The following GULP1 variants were observed in gnomAD, a reference collection of about 807,000 sequenced individuals.
GULP1 encodes GULP PTB domain containing engulfment adaptor 1, also known as PTB domain-containing engulfment adapter protein 1.
GULP1 carries 19 observed loss-of-function variants against 40.9 expected under a neutral mutation model. The observed-to-expected ratio is 0.46, with a 90% confidence interval of 0.32 to 0.68. The LOEUF is 0.68. GULP1 is among the 30% of genes least tolerant of loss of function. The probability of loss-of-function intolerance (pLI) is 0.03; values close to 1 mark genes in which losing one functional copy is unlikely to be tolerated. For missense variants in GULP1, 312 were observed against 362.2 expected (o/e 0.86, Z 1.12); for synonymous variants, 119 against 117.6 (o/e 1.01, Z -0.08).
At chr2:188,571,501 A>G (rs1451576584) in intron 9 of GULP1, among the ~76,000 whole-genome samples, 1 of 152,160 alleles carries the variant, frequency 6.6e-6, no homozygotes, top group Non-Finnish European at 1.5e-5. Flanking sequence ...GGCCTTGATG[A>G]GAGAGGTTGG....
intron 4 of GULP1, among the ~76,000 whole-genome samples, chr2:188,497,496 T>C (rs1453223659): frequency 1.3e-5 from 2 of 152,004 alleles, no homozygotes; most frequent in African/African-American, 4.8e-5. Flanking sequence ...CACCATGAAA[T>C]ACCTTATAAT....
chr2:188,512,853 GT>G (rs11288193), intron 4 of GULP1, among the ~76,000 whole-genome samples: 151,744 of 152,234 alleles, frequency 1, 75,632 homozygotes, highest in East Asian at 1. Context: ...AGAAGTCTTT[GT>G]TTTCATTTTA....
intron 1 of GULP1, among the ~76,000 whole-genome samples, chr2:188,322,204 C>A (rs546409541): frequency 6.6e-6 from 1 of 152,126 alleles, no homozygotes; most frequent in South Asian, 2.1e-4. Context: ...AAAAATTCTT[C>A]TGCTTCATTA....
rs1173541646 is a variant in GULP1, at chr2:188,567,709, A to G, written c.400-1530A>G. Among the ~76,000 whole-genome samples the G allele has an allele frequency of 3.5e-4, 53 of 152,188 alleles. 1 individual carries two copies. The highest frequency in any genetic ancestry group is 1.5e-5 in the Non-Finnish European group (1 of 68,042). ...TGCAGCAAACCACCATGGCACACGT[A>G]TACTGTATAACTAACCTGCACATTC... On this transcript the variant is annotated intron_variant, in intron 7 of 11. Transcript: ENST00000409830.
intron 2 of GULP1, among the ~76,000 whole-genome samples, chr2:188,468,318 A>G (rs1044512064): frequency 2.6e-5 from 4 of 152,188 alleles, no homozygotes; most frequent in African/African-American, 9.6e-5. Flanking sequence ...AGATGACTGG[A>G]TAACCTTAGA....
At chr2:188,546,121 C>T (rs939863909) in intron 7 of GULP1, among the ~76,000 whole-genome samples, 8 of 151,812 alleles carry the variant, frequency 5.3e-5, no homozygotes, top group Non-Finnish European at 1.0e-4. Context: ...TAGACAAATA[C>T]GCAATTATAG....
intron 7 of GULP1, among the ~76,000 whole-genome samples, chr2:188,556,401 A>G (rs1205366347): frequency 6.6e-6 from 1 of 152,114 alleles, no homozygotes; most frequent in East Asian, 1.9e-4. Flanking sequence ...CTTCTAAAAC[A>G]TATCTATCTC....
At chr2:188,371,645 C>CAGA (rs2047613649) in intron 1 of GULP1, among the ~76,000 whole-genome samples, 1 of 152,042 alleles carries the variant, frequency 6.6e-6, no homozygotes, top group South Asian at 2.1e-4. Flanking sequence ...TCATCATGAT[C>CAGA]AGAAGCTTAC....
At chr2:188,359,948 C>T (rs1343124183) in intron 1 of GULP1, among the ~76,000 whole-genome samples, 1 of 152,096 alleles carries the variant, frequency 6.6e-6, no homozygotes, top group East Asian at 1.9e-4. Flanking sequence ...AGGAAAGAGA[C>T]TGGGGACTAG....
intron 1 of GULP1, among the ~76,000 whole-genome samples, chr2:188,337,960 C>A (rs2042483880): frequency 6.6e-6 from 1 of 152,086 alleles, no homozygotes; most frequent in African/African-American, 2.4e-5. Context: ...ACTCTAAATT[C>A]TTGGGCTAAT....
chr2:188,333,009 A>G (rs73036468), intron 1 of GULP1, among the ~76,000 whole-genome samples: 244 of 152,158 alleles, frequency 1.6e-3, no homozygotes, highest in African/African-American at 5.4e-3. Context: ...TTTTGGGAGG[A>G]CATGGCTGGC....
chr2:188,339,463 G>T (rs955371690), intron 1 of GULP1, among the ~76,000 whole-genome samples: 6 of 152,064 alleles, frequency 3.9e-5, no homozygotes, highest in African/African-American at 1.4e-4. Flanking sequence ...CATCTTTTTG[G>T]CTGTCTTGGT....
intron 2 of GULP1, among the ~76,000 whole-genome samples, chr2:188,476,763 A>G (rs993947524): frequency 8.5e-5 from 13 of 152,236 alleles, no homozygotes; most frequent in Non-Finnish European, 1.5e-5. Context: ...TATCAGTAAG[A>G]TTAACTATTT....
intron 2 of GULP1, among the ~76,000 whole-genome samples, chr2:188,457,780 T>C (rs560649333): frequency 3.3e-5 from 5 of 152,230 alleles, no homozygotes; most frequent in Admixed American, 6.5e-5. Flanking sequence ...TTAATGACTA[T>C]GCATTCTTCT....
intron 2 of GULP1, among the ~76,000 whole-genome samples, chr2:188,394,589 G>T (rs935123567): frequency 6.6e-6 from 1 of 152,032 alleles, no homozygotes; most frequent in Non-Finnish European, 1.5e-5. Context: ...ATAGTTGGGG[G>T]TATTATAGAA....
chr2:188,358,946 C>G (rs2045730847), intron 1 of GULP1, among the ~76,000 whole-genome samples: 1 of 151,958 alleles, frequency 6.6e-6, no homozygotes, highest in African/African-American at 2.4e-5. Context: ...TTGAAATGGA[C>G]TCAACTATAT....
Position 188,529,202 on chromosome 2 carries a change from C to CTT in GULP1, c.261+15_261+16dup. The CTT allele has an allele frequency of 6.5e-6, 8 of 1,223,690 alleles. No homozygotes were observed. Among genetic ancestry groups the CTT allele is most frequent in the South Asian group, 2.7e-5 (2 of 73,408 alleles). The allele number at this position is 1,223,690 out of a possible 1,614,324, so 75.8% of individuals were successfully genotyped here. ...TCTAGAACCCAAAACAAAGGTAAGG[C>CTT]TTTTTTTTTAATGTTAGAGGCAATC... On this transcript the variant is annotated splice_region_variant and intron_variant, in intron 6 of 11. Coordinates refer to ENST00000409830, the MANE Select transcript of GULP1 (RefSeq NM_016315.4).
intron 9 of GULP1, chr2:188,582,501 T>C: frequency 2.1e-6 from 1 of 471,562 alleles, no homozygotes; most frequent in Non-Finnish European, 4.4e-6. Flanking sequence ...GGACTGTTAA[T>C]ACCACCACCT....
At chr2:188,352,612 T>TCACACACACACACACACA (rs1265583408) in intron 1 of GULP1, among the ~76,000 whole-genome samples, 2 of 42,510 alleles carry the variant, frequency 4.7e-5, no homozygotes, top group Admixed American at 3.7e-4. Context: ...TCTCTCTCTC[T>TCACACACACACACACACA]CTCTCTCACA....
Sources: gnomAD v4.1 joint callset for allele counts (sites outside exome capture counted in the v4.1 genomes callset) on GRCh38, gnomAD v4.1.1 for gene constraint, MANE v1.5 for transcripts, NCBI Gene and HGNC (gene_info 2026-07-23, HGNC 2026-07-21) for gene names.